Variants in CHL1 observed in about 807,000 individuals in gnomAD.
The protein encoded by CHL1 is neural cell adhesion molecule L1-like protein.
A neutral mutation model predicts 141.9 loss-of-function variants in CHL1; 96 were observed. The observed-to-expected ratio is 0.68, with a 90% CI of 0.57 to 0.80. The LOEUF is 0.80. Ranked by LOEUF, CHL1 falls within the 30% of genes least tolerant of loss-of-function variation. The pLI, the probability that CHL1 is intolerant of heterozygous loss-of-function variation, is 0.00. For synonymous variants in CHL1, 613 were observed against 502.2 expected (o/e 1.22, Z -2.95); for missense variants, 1,820 against 1,457.2 (o/e 1.25, Z -4.05).
At chr3:215,882 C>T (rs1257006926) in intron 1 of CHL1, among the ~76,000 whole-genome samples, 1 of 151,944 alleles carries the variant, frequency 6.6e-6, no homozygotes, top group African/African-American at 2.4e-5. Flanking sequence ...CTGAGTTTAC[C>T]ATTTTGTGAT....
chr3:397,398 A>C (rs75865973), intron 24 of CHL1, among the ~76,000 whole-genome samples: 1,608 of 152,142 alleles, frequency 0.011, 33 homozygotes, highest in African/African-American at 0.036. Flanking sequence ...TGTAACATAT[A>C]CCCACTTAAA....
chr3:249,117 G>A (rs901681139), intron 2 of CHL1, among the ~76,000 whole-genome samples: 5 of 152,164 alleles, frequency 3.3e-5, no homozygotes, highest in East Asian at 1.9e-4. Context: ...CTGCACACGC[G>A]TGCAGAGATT....
In CHL1 at chr3:344,572, T is replaced by G. The variant is rs1702603829; in HGVS notation, c.728-17T>G. The G allele has an allele frequency of 6.3e-7, 1 of 1,593,088 alleles. No individual in the cohort carries two copies. Among genetic ancestry groups the G allele is most frequent in the Non-Finnish European group, 8.5e-7 (1 of 1,172,120 alleles). On this transcript the variant is annotated splice_polypyrimidine_tract_variant and intron_variant, in intron 8 of 27. Coordinates refer to ENST00000256509, the MANE Select transcript of CHL1 (RefSeq NM_006614.4). ...ATTAATTTGAAAAAATTCTGACTTTTCTTTTCTATTTTGTAGCAAATTCCA... is the reference window on the plus strand; with the variant it reads ...ATTAATTTGAAAAAATTCTGACTTTGCTTTTCTATTTTGTAGCAAATTCCA...
chr3:199,924 C>G (rs1001675159), intron 1 of CHL1, among the ~76,000 whole-genome samples: 1 of 152,132 alleles, frequency 6.6e-6, no homozygotes, highest in Non-Finnish European at 1.5e-5. Flanking sequence ...AGTTGGGGAA[C>G]TACTGGTGTC....
At position 261,991 on chromosome 3, in the gene CHL1, C is replaced by T. The variant is rs1042790235; in HGVS notation, c.-95+17299C>T. Reference sequence around the variant, plus strand: ...TTTAAGCCTAGATCTACACAGTACTCACAGGGCAGGATTCACACGTTTAAG... The same window carrying T: ...TTTAAGCCTAGATCTACACAGTACTTACAGGGCAGGATTCACACGTTTAAG... On this transcript the variant is annotated intron_variant, in intron 2 of 27. Transcript: ENST00000256509. Among the ~76,000 whole-genome samples, 327 of 128,414 alleles carry T rather than the reference C, an allele frequency of 2.5e-3. 2 individuals are homozygous for T. Among genetic ancestry groups the T allele is most frequent in the African/African-American group, 9.1e-3 (309 of 34,100 alleles). 84.2% of individuals were successfully genotyped at this position (128,414 alleles called of 152,430 possible). A position where few individuals can be genotyped will look rare whatever the true frequency, so the allele number is the denominator to read the frequency against.
At chr3:331,698 G>A (rs552407719) in intron 5 of CHL1, among the ~76,000 whole-genome samples, 2 of 152,170 alleles carry the variant, frequency 1.3e-5, no homozygotes, top group African/African-American at 4.8e-5. Flanking sequence ...TATTGATAAT[G>A]CATATAACTA....
At chr3:203,537 C>T (rs1014223613) in intron 1 of CHL1, among the ~76,000 whole-genome samples, 8 of 152,206 alleles carry the variant, frequency 5.3e-5, no homozygotes, top group African/African-American at 1.9e-4. Flanking sequence ...GACGGGCCCA[C>T]ATCTCTTTGG....
At chr3:333,401 G>A (rs1701619145) in intron 5 of CHL1, among the ~76,000 whole-genome samples, 1 of 151,984 alleles carries the variant, frequency 6.6e-6, no homozygotes, top group South Asian at 2.1e-4. Flanking sequence ...AAATGTTACA[G>A]TTTCTACTTC....
chr3:346,530 G>A (rs553851675), intron 9 of CHL1, among the ~76,000 whole-genome samples: 59 of 152,270 alleles, frequency 3.9e-4, no homozygotes, highest in African/African-American at 1.3e-3. Context: ...TAGCAACTGC[G>A]CAGAATGTCT....
intron 3 of CHL1, among the ~76,000 whole-genome samples, chr3:323,858 C>G (rs965282872): frequency 2.0e-5 from 3 of 152,028 alleles, no homozygotes; most frequent in African/African-American, 4.8e-5. Context: ...GAGCAAGACC[C>G]TGACTCAAAG....
At chr3:399,375 C>A (rs549670038) in intron 26 of CHL1, among the ~76,000 whole-genome samples, 3 of 152,314 alleles carry the variant, frequency 2.0e-5, no homozygotes, top group South Asian at 2.1e-4. Context: ...GGCGCAGTGG[C>A]TCACGCCTGT....
intron 24 of CHL1, among the ~76,000 whole-genome samples, chr3:396,950 A>G (rs561666661): frequency 1.8e-4 from 28 of 152,288 alleles, no homozygotes; most frequent in South Asian, 6.2e-4. Flanking sequence ...ACTGCTATGC[A>G]TCTTTCTTCT....
At chr3:234,757 G>A (rs1334771062) in intron 1 of CHL1, among the ~76,000 whole-genome samples, 2 of 151,982 alleles carry the variant, frequency 1.3e-5, no homozygotes, top group Non-Finnish European at 2.9e-5. Context: ...CCTATTTTGG[G>A]GACACAGGGC....
chr3:234,094 T>C (rs1428295344), intron 1 of CHL1, among the ~76,000 whole-genome samples: 1 of 152,032 alleles, frequency 6.6e-6, no homozygotes, highest in Non-Finnish European at 1.5e-5. Context: ...AGTGTAGCTA[T>C]AGCACTGGGT....
chr3:217,894 G>A (rs1700462705), intron 1 of CHL1, among the ~76,000 whole-genome samples: 2 of 152,294 alleles, frequency 1.3e-5, no homozygotes, highest in East Asian at 1.9e-4. Flanking sequence ...GCAATGGAGA[G>A]GAGGACCAGT....
At chr3:226,380 A>G (rs1701350904) in intron 1 of CHL1, among the ~76,000 whole-genome samples, 1 of 146,282 alleles carries the variant, frequency 6.8e-6, no homozygotes. Context: ...TATTTTATAT[A>G]TATATACTTA....
intron 3 of CHL1, among the ~76,000 whole-genome samples, chr3:324,529 A>G (rs941323746): frequency 3.3e-5 from 5 of 152,054 alleles, no homozygotes; most frequent in African/African-American, 1.2e-4. Context: ...CAGCATTAGT[A>G]AATTTATTTT....
At chr3:233,131 A>T (rs1479650398) in intron 1 of CHL1, among the ~76,000 whole-genome samples, 2 of 152,064 alleles carry the variant, frequency 1.3e-5, no homozygotes, top group Non-Finnish European at 2.9e-5. Context: ...TGATCTTGTC[A>T]TTTCTTACTA....
intron 27 of CHL1, among the ~76,000 whole-genome samples, chr3:403,656 C>A (rs1236134511): frequency 6.6e-6 from 1 of 152,122 alleles, no homozygotes; most frequent in African/African-American, 2.4e-5. Flanking sequence ...TGTCTAAAAA[C>A]CCATTTCCCC....
Sources: gnomAD v4.1 joint callset for allele counts (sites outside exome capture counted in the v4.1 genomes callset) on GRCh38, gnomAD v4.1.1 for gene constraint, MANE v1.5 for transcripts, NCBI Gene and HGNC (gene_info 2026-07-23, HGNC 2026-07-21) for gene names.